Variants in PTPN4 observed in about 807,000 individuals in gnomAD.
PTPN4 encodes the protein tyrosine-protein phosphatase non-receptor type 4.
A neutral mutation model predicts 135.5 loss-of-function variants in PTPN4; 49 were observed. The observed-to-expected ratio is 0.36, with a 90% confidence interval of 0.29 to 0.46. PTPN4 has a LOEUF of 0.46. Ranked by LOEUF, PTPN4 falls within the 20% of genes least tolerant of loss-of-function variation. PTPN4 has a pLI of 1.00. For synonymous variants in PTPN4, 333 were observed against 369.9 expected (o/e 0.90, Z 1.14); for missense variants, 860 against 1,101.0 (o/e 0.78, Z 3.10).
intron 9 of PTPN4, among the ~76,000 whole-genome samples, chr2:119,888,634 T>C (rs1477985322): frequency 6.6e-6 from 1 of 152,194 alleles, no homozygotes; most frequent in African/African-American, 2.4e-5. Context: ...TGTTTATTGA[T>C]TTGTGTGTGT....
At chr2:119,885,737 G>A in intron 8 of PTPN4, 58 bp from the exon 9 acceptor site, 1 of 1,213,864 alleles carries the variant, frequency 8.2e-7, no homozygotes, top group Non-Finnish European at 1.2e-6. Flanking sequence ...TTCTAATTTA[G>A]CCATATTTAT....
chr2:119,969,652 G>A lies in PTPN4; in HGVS notation c.2694+1680G>A, dbSNP rs529145781. 7.5e-5 allele frequency among the ~76,000 whole-genome samples: 10 copies of A among 133,948 alleles called. No individual in the cohort carries two copies. In the East Asian group the frequency reaches 2.1e-3, roughly 28 times the overall value. 87.9% of individuals were successfully genotyped at this position (133,948 alleles called of 152,430 possible). A position where few individuals can be genotyped will look rare whatever the true frequency, so the allele number is the denominator to read the frequency against. On this transcript the variant is annotated intron_variant, in intron 26 of 26. Transcript: ENST00000263708. ...CAGCTCACTGCAAGCTCCGCCTCCC[G>A]GGATCACACCATTCTGCTGCCTCAG...
chr2:119,808,670 C>G (rs1691526521), intron 1 of PTPN4, among the ~76,000 whole-genome samples: 1 of 152,108 alleles, frequency 6.6e-6, no homozygotes, highest in Admixed American at 6.6e-5. Context: ...GCAATCCTCC[C>G]ACCTCCCAAA....
rs1679632428 is a variant in PTPN4 at position 119,977,300 on chromosome 2, AAAT to A, written c.*233_*235del. 2 of 596,838 alleles carry A rather than the reference AAAT, an allele frequency of 3.4e-6. No homozygotes were observed. Among genetic ancestry groups the A allele is most frequent in the South Asian group, 9.7e-5 (2 of 20,586 alleles). 37.0% of individuals were successfully genotyped at this position (596,838 alleles called of 1,614,324 possible). A position where few individuals can be genotyped will look rare whatever the true frequency, so the allele number is the denominator to read the frequency against. On this transcript the variant is annotated 3_prime_UTR_variant, in exon 27 of 27. Coordinates refer to ENST00000263708, the MANE Select transcript of PTPN4 (RefSeq NM_002830.4). The stretch of plus-strand genomic sequence containing the variant: ...TCATGCTTTGCTCCGAACAAATAGT[AAAT>A]AACTGAGTATGTTCAGGGTAATTTA...
At chr2:119,772,058 C>CT in intron 1 of PTPN4, among the ~76,000 whole-genome samples, 1 of 152,160 alleles carries the variant, frequency 6.6e-6, no homozygotes. Flanking sequence ...TTGTGTGTTT[C>CT]TTTTTTAGAT....
chr2:119,967,641 G>A (rs1453230383), intron 25 of PTPN4, among the ~76,000 whole-genome samples, 196 bp from the exon 26 acceptor site: 1 of 152,118 alleles, frequency 6.6e-6, no homozygotes, highest in Non-Finnish European at 1.5e-5. Flanking sequence ...GTAGATGGAA[G>A]ATACAGAACA....
At chr2:119,798,346 T>C (rs1473652138) in intron 1 of PTPN4, among the ~76,000 whole-genome samples, 2 of 152,102 alleles carry the variant, frequency 1.3e-5, no homozygotes, top group Non-Finnish European at 2.9e-5. Context: ...TTTGTATTTT[T>C]AGTAGAGACA....
intron 1 of PTPN4, among the ~76,000 whole-genome samples, chr2:119,781,030 A>G (rs1186515715): frequency 1.3e-5 from 2 of 152,162 alleles, no homozygotes; most frequent in African/African-American, 4.8e-5. Context: ...TTTTATTCAG[A>G]GTATTATAAT....
chr2:119,898,094 A>ATGTAGTTTG (rs1381844936), intron 9 of PTPN4, among the ~76,000 whole-genome samples: 18 of 152,218 alleles, frequency 1.2e-4, no homozygotes, highest in African/African-American at 4.3e-4. Context: ...CTTAAACAAC[A>ATGTAGTTTG]AAACATAACT....
intron 2 of PTPN4, among the ~76,000 whole-genome samples, chr2:119,822,745 T>TC (rs143562656): frequency 0.024 from 3,644 of 152,206 alleles, 64 homozygotes; most frequent in Non-Finnish European, 0.033. Context: ...TCTTTTTTTT[T>TC]CCCCCTCAAA....
At chr2:119,845,454 G>GT (rs1424951295) in intron 2 of PTPN4, among the ~76,000 whole-genome samples, 1 of 152,096 alleles carries the variant, frequency 6.6e-6, no homozygotes, top group African/African-American at 2.4e-5. Flanking sequence ...AATACGTGTA[G>GT]TTTGAGTCTT....
chr2:119,865,387 C>A (rs1452669986), intron 3 of PTPN4, among the ~76,000 whole-genome samples: 1 of 152,074 alleles, frequency 6.6e-6, no homozygotes, highest in African/African-American at 2.4e-5. Context: ...ATACTTTCCT[C>A]ACTTATGATG....
intron 9 of PTPN4, among the ~76,000 whole-genome samples, chr2:119,894,220 C>T (rs1263987990): frequency 1.3e-5 from 2 of 152,192 alleles, no homozygotes; most frequent in Non-Finnish European, 2.9e-5. Context: ...TATTTGAAGA[C>T]TTTTCGACAG....
Position 119,980,160 on chromosome 2 carries a change from C to T in PTPN4, c.*3090C>T, listed in dbSNP as rs1679670813. ...TCAAGAGTAAAGGGAACATTTATTA[C>T]ATGAAATCTGACTTCAGTTGTGCAA... On this transcript the variant is annotated 3_prime_UTR_variant, in exon 27 of 27. Transcript: ENST00000263708. The T allele has an allele frequency of 6.6e-6, 1 of 152,058 alleles. No individual in the cohort carries two copies. 9.4% of individuals were successfully genotyped at this position (152,058 alleles called of 1,614,324 possible). A position where few individuals can be genotyped will look rare whatever the true frequency, so the allele number is the denominator to read the frequency against.
At chr2:119,811,722 T>G (rs556722984) in intron 2 of PTPN4, among the ~76,000 whole-genome samples, 4 of 152,136 alleles carry the variant, frequency 2.6e-5, no homozygotes, top group Non-Finnish European at 5.9e-5. Context: ...AACTATAGTT[T>G]TGAATGTATT....
intron 1 of PTPN4, among the ~76,000 whole-genome samples, chr2:119,778,369 T>A (rs1690877432): frequency 6.6e-6 from 1 of 152,240 alleles, no homozygotes; most frequent in Admixed American, 6.5e-5. Flanking sequence ...TTTTAGTAAA[T>A]AATTTCACTG....
intron 2 of PTPN4, among the ~76,000 whole-genome samples, chr2:119,825,687 G>C (rs1381563824): frequency 1.3e-5 from 2 of 151,924 alleles, no homozygotes; most frequent in Admixed American, 1.3e-4. Context: ...GTAGAGACAG[G>C]GTTTCACCAT....
intron 10 of PTPN4, among the ~76,000 whole-genome samples, chr2:119,903,961 A>G (rs1468632661): frequency 6.6e-6 from 1 of 152,226 alleles, no homozygotes; most frequent in African/African-American, 2.4e-5. Context: ...ATCCAGAATC[A>G]AAGCCAAAGC....
At chr2:119,775,096 GAAAAAAAA>G (rs35234122) in intron 1 of PTPN4, among the ~76,000 whole-genome samples, 34 of 66,764 alleles carry the variant, frequency 5.1e-4, no homozygotes, top group Admixed American at 8.3e-4. Flanking sequence ...GCCCTATTCT[GAAAAAAAA>G]AAAAAAAAAA....
Sources: gnomAD v4.1 joint callset for allele counts (sites outside exome capture counted in the v4.1 genomes callset) on GRCh38, gnomAD v4.1.1 for gene constraint, MANE v1.5 for transcripts, NCBI Gene and HGNC (gene_info 2026-07-23, HGNC 2026-07-21) for gene names.